The following RBMS3 variants were observed in gnomAD, a reference collection of about 807,000 sequenced individuals.
The protein encoded by RBMS3 is RNA binding motif single stranded interacting protein 3.
In RBMS3, 27 loss-of-function variants were observed where a neutral mutation model predicts 66.8. That is an observed-to-expected ratio of 0.40 (90% CI 0.30 to 0.56). The LOEUF (loss-of-function observed/expected upper bound fraction) is 0.56, where lower values mean the gene tolerates loss of function less well. RBMS3 is among the 20% of genes least tolerant of loss of function. The pLI is 0.40. For missense variants in RBMS3, 513 were observed against 549.5 expected, an observed-to-expected ratio of 0.93 and a Z score of 0.66; for synonymous variants, 188 against 183.0, an observed-to-expected ratio of 1.03 and a Z score of -0.22.
At chr3:29,479,615 T>A (rs1423949009) in intron 2 of RBMS3, among the ~76,000 whole-genome samples, 4 of 152,086 alleles carry the variant, frequency 2.6e-5, no homozygotes, top group African/African-American at 4.8e-5. Flanking sequence ...TAATTGGTGA[T>A]CAAATAAGTC....
chr3:29,948,012 C>T lies in RBMS3; in HGVS notation c.1098+3758C>T, dbSNP rs1347441340. 4.0e-5 allele frequency among the ~76,000 whole-genome samples: 6 copies of T among 151,396 alleles called. No individual in the cohort carries two copies. In the East Asian group the frequency reaches 1.2e-3, roughly 30 times the overall value. On this transcript the variant is annotated intron_variant, in intron 12 of 14. Transcript: ENST00000383767. Reference sequence around the variant, plus strand: ...AAAGAAAAACGGGGCCTGAAAAATACACTGAAAAGAACCTGTAGAACTTGT... The same window carrying T: ...AAAGAAAAACGGGGCCTGAAAAATATACTGAAAAGAACCTGTAGAACTTGT...
intron 6 of RBMS3, among the ~76,000 whole-genome samples, chr3:29,764,993 A>G (rs930850644): frequency 6.6e-6 from 1 of 152,056 alleles, no homozygotes; most frequent in African/African-American, 2.4e-5. Flanking sequence ...ACTCATCATA[A>G]TAGAACTAAA....
At chr3:29,680,092 A>G (rs1363319083) in intron 4 of RBMS3, among the ~76,000 whole-genome samples, 3 of 152,104 alleles carry the variant, frequency 2.0e-5, no homozygotes, top group African/African-American at 4.8e-5. Context: ...TCAAGCCTTG[A>G]ATACTTTGTG....
chr3:29,881,995 C>G (rs1264310037), intron 7 of RBMS3, among the ~76,000 whole-genome samples: 2 of 152,268 alleles, frequency 1.3e-5, no homozygotes, highest in East Asian at 3.9e-4. Context: ...CATCCTAAAT[C>G]TCTCATGCAC....
chr3:29,411,226 A>G (rs2040253140), intron 1 of RBMS3, among the ~76,000 whole-genome samples: 1 of 152,208 alleles, frequency 6.6e-6, no homozygotes, highest in Non-Finnish European at 1.5e-5. Context: ...TTTCATTCTC[A>G]ACGAAGGTAA....
At chr3:29,716,439 A>C (rs2053398841) in intron 4 of RBMS3, among the ~76,000 whole-genome samples, 1 of 152,154 alleles carries the variant, frequency 6.6e-6, no homozygotes, top group African/African-American at 2.4e-5. Flanking sequence ...AAAAATTTGA[A>C]ACCATAGATA....
intron 2 of RBMS3, among the ~76,000 whole-genome samples, chr3:29,475,881 A>G (rs2042931231): frequency 6.6e-6 from 1 of 152,150 alleles, no homozygotes; most frequent in South Asian, 2.1e-4. Context: ...TAAAAAAAAG[A>G]GTTGATCTGG....
intron 6 of RBMS3, among the ~76,000 whole-genome samples, chr3:29,819,518 T>A (rs1231154043): frequency 6.6e-6 from 1 of 152,230 alleles, no homozygotes; most frequent in African/African-American, 2.4e-5. Context: ...TTTTAGCAAA[T>A]TTTTAATTGA....
chr3:29,497,351 G>C (rs181092986), intron 3 of RBMS3, among the ~76,000 whole-genome samples: 1 of 152,120 alleles, frequency 6.6e-6, no homozygotes, highest in African/African-American at 2.4e-5. Context: ...ATATAAAACA[G>C]CTTAAAAATA....
chr3:29,514,707 A>G (rs1312697856), intron 3 of RBMS3, among the ~76,000 whole-genome samples: 1 of 138,892 alleles, frequency 7.2e-6, no homozygotes. Context: ...TATGATAGGC[A>G]TATATATGTG....
intron 6 of RBMS3, among the ~76,000 whole-genome samples, chr3:29,775,148 G>T (rs1270236743): frequency 6.6e-6 from 1 of 151,642 alleles, no homozygotes; most frequent in African/African-American, 2.4e-5. Context: ...ACTTTTTTTG[G>T]TCTTATTTTG....
intron 3 of RBMS3, among the ~76,000 whole-genome samples, chr3:29,537,346 A>G (rs2045598169): frequency 6.6e-6 from 1 of 152,174 alleles, no homozygotes; most frequent in African/African-American, 2.4e-5. Context: ...ATTTTAATGG[A>G]AGAACATTTT....
At chr3:29,606,112 G>A (rs2048313897) in intron 4 of RBMS3, among the ~76,000 whole-genome samples, 3 of 151,644 alleles carry the variant, frequency 2.0e-5, no homozygotes, top group African/African-American at 7.3e-5. Flanking sequence ...GTACTGTGAG[G>A]TTGCAGATTG....
intron 12 of RBMS3, among the ~76,000 whole-genome samples, chr3:29,974,649 TTG>T (rs1252853456): frequency 6.6e-6 from 1 of 151,432 alleles, no homozygotes; most frequent in African/African-American, 2.4e-5. Context: ...TGCCATAAAT[TTG>T]TCTTATTTTT....
intron 4 of RBMS3, among the ~76,000 whole-genome samples, chr3:29,623,359 G>A (rs1330064706): frequency 1.3e-5 from 2 of 151,882 alleles, no homozygotes; most frequent in Non-Finnish European, 2.9e-5. Context: ...TTGGGACGCC[G>A]AGGCAGGCGG....
intron 1 of RBMS3, among the ~76,000 whole-genome samples, chr3:29,282,621 A>C (rs2031906210): frequency 6.6e-6 from 1 of 152,144 alleles, no homozygotes; most frequent in Non-Finnish European, 1.5e-5. Context: ...CGATTTGTCA[A>C]TTAAATTGGA....
At chr3:29,899,798 A>C (rs748716287) in intron 10 of RBMS3, 43 bp downstream of exon 10, 1 of 1,581,766 alleles carries the variant, frequency 6.3e-7, no homozygotes, top group Non-Finnish European at 8.7e-7. Flanking sequence ...TCTATTATCC[A>C]AGTACAAGCT....
intron 4 of RBMS3, among the ~76,000 whole-genome samples, chr3:29,707,190 A>C (rs749870096): frequency 2.1e-4 from 32 of 152,194 alleles, no homozygotes; most frequent in Non-Finnish European, 4.4e-4. Context: ...TCTGTCCCCC[A>C]AAAACTATAA....
In RBMS3 at chr3:29,560,116, A is replaced by G. The variant is rs1034047439; in HGVS notation, c.308-26998A>G. On this transcript the variant is annotated intron_variant, in intron 3 of 14. Coordinates refer to ENST00000383767, the MANE Select transcript of RBMS3 (RefSeq NM_001003793.3). ...TGATAATTTCATACAATATGGGCAA[A>G]AAATGATAATAGGAGAATCCAAGCA... Among the ~76,000 whole-genome samples the G allele has an allele frequency of 9.2e-5, 14 of 152,326 alleles. 1 individual carries two copies. The highest frequency in any genetic ancestry group is 6.8e-3 in the Middle Eastern group (2 of 294).
Sources: allele counts gnomAD v4.1 joint callset (sites outside exome capture counted in the v4.1 genomes callset), GRCh38; gene constraint gnomAD v4.1.1; transcripts MANE v1.5; gene names NCBI Gene and HGNC (gene_info 2026-07-23, HGNC 2026-07-21).